PCSK4: variants seen among roughly 807,000 people sequenced by gnomAD.
PCSK4 encodes the protein testicular tissue protein Li 135.
A neutral mutation model predicts 80.3 loss-of-function variants in PCSK4; 64 were observed. The ratio of observed to expected loss-of-function variants is 0.80; its 90% CI spans 0.65 to 0.98. PCSK4 has a LOEUF of 0.98. PCSK4 is among the 50% of genes least tolerant of loss of function. The probability of loss-of-function intolerance (pLI) is 0.00; values close to 1 mark genes in which losing one functional copy is unlikely to be tolerated. For missense variants in PCSK4, 1,213 were observed against 1,093.6 expected, an observed-to-expected ratio of 1.11 and a Z score of -1.54; for synonymous variants, 561 against 487.6, an observed-to-expected ratio of 1.15 and a Z score of -1.98.
chr19:1,487,924 A>C (rs1288638705), intron 4 of PCSK4, 40 bp downstream of exon 4: 1 of 1,589,380 alleles, frequency 6.3e-7, no homozygotes, highest in Non-Finnish European at 8.6e-7. Flanking sequence ...CAGCCTCGGC[A>C]CCTGGGGCAG....
At chr19:1,490,749 C>T (rs1174350742), upstream of PCSK4, 1 of 206,228 alleles carries the variant, frequency 4.8e-6, no homozygotes, top group Non-Finnish European at 9.7e-6. Flanking sequence ...CCGCCTCCTC[C>T]GATAAGCCTC....
At chr19:1,482,941 C>G in exon 13 of PCSK4, 1 of 1,612,886 alleles carries the variant, frequency 6.2e-7, no homozygotes. Flanking sequence ...AGGGTCCACA[C>G]GCCCTGTGGG....
chr19:1,482,571 C>A, intron 13 of PCSK4, 96 bp from the exon 14 acceptor site: 2 of 1,463,368 alleles, frequency 1.4e-6, no homozygotes, highest in South Asian at 1.3e-5. Context: ...AGCTCCCACG[C>A]GGGGCCCTGG....
Position 1,488,209 on chromosome 19 carries a change from C to T in PCSK4, c.366G>A (p.Trp122Ter). Residue 122 changes from tryptophan (W) to a stop codon, truncating the protein, a stop_gained, in exon 3 of 15, where the codon TGG becomes TGA. Transcript: ENST00000300954. LOFTEE classifies it high-confidence loss of function. ...TCACCATGTACCACTGCTTGGAGAA[C>T]CAGGGGTCCGTGGGCACCACGACAG... The T allele has an allele frequency of 6.2e-7, 1 of 1,613,574 alleles. No homozygotes were observed. Among genetic ancestry groups the T allele is most frequent in the Non-Finnish European group, 8.5e-7 (1 of 1,179,926 alleles).
At position 1,487,136 on chromosome 19, in the gene PCSK4, C is replaced by T; in HGVS notation, c.855+5G>A. The T allele has an allele frequency of 6.2e-7, 1 of 1,603,964 alleles. No individual in the cohort carries two copies. Among genetic ancestry groups the T allele is most frequent in the South Asian group, 1.1e-5 (1 of 90,930 alleles). ...CACCCCTGCCCTCCTCGGGCTGCCA[C>T]TCACCTTGGTCACACCACGCCGGAA... On this transcript the variant is annotated splice_donor_5th_base_variant and intron_variant, in intron 7 of 14. Coordinates refer to ENST00000300954, the Ensembl canonical transcript of PCSK4.
At position 1,487,810 on chromosome 19, in the gene PCSK4, G is replaced by C. The variant is rs764900724; in HGVS notation, c.568C>G (p.Arg190Gly). The change falls in exon 5 of 15, where the codon CGC (arginine) becomes GGC (glycine). Residue 190 changes from arginine (R) to glycine (G), a missense_variant. By Grantham distance (125) the Arg-to-Gly change is moderately radical. Transcript: ENST00000300954. ...CGGTTCTCTTTGCTGGGGGTGTAGCGGGGCTGGGGGTCCGGGTCGTAGTCA... is the reference window on the plus strand; with the variant it reads ...CGGTTCTCTTTGCTGGGGGTGTAGCCGGGCTGGGGGTCCGGGTCGTAGTCA... The C allele has an allele frequency of 1.9e-6, 3 of 1,578,324 alleles. No individual in the cohort carries two copies. In the Admixed American group the frequency reaches 5.4e-5, roughly 28 times the overall value.
At chr19:1,485,665 A>G (rs1483884503) in intron 8 of PCSK4, among the ~76,000 whole-genome samples, 1 of 151,860 alleles carries the variant, frequency 6.6e-6, no homozygotes, top group African/African-American at 2.4e-5. Flanking sequence ...AGGTCAGGAG[A>G]TCGAGATCAT....
chr19:1,490,252 G>C (rs371495144), exon 1 of PCSK4: 19 of 1,611,102 alleles, frequency 1.2e-5, no homozygotes, highest in Non-Finnish European at 1.6e-5. Context: ...GACATAGATG[G>C]GGGCTCGGAC....
intron 8 of PCSK4, among the ~76,000 whole-genome samples, chr19:1,484,574 T>C (rs2084506139): frequency 6.6e-6 from 1 of 150,728 alleles, no homozygotes; most frequent in African/African-American, 2.4e-5. Context: ...TCCCAGCACT[T>C]TGGGAGGCCG....
At chr19:1,482,587 T>C in intron 13 of PCSK4, 112 bp from the exon 14 acceptor site, 2 of 1,327,524 alleles carry the variant, frequency 1.5e-6, no homozygotes, top group East Asian at 2.4e-5. Flanking sequence ...CCTGGACTGG[T>C]TCACATCTCT....
intron 8 of PCSK4, 42 bp downstream of exon 8, chr19:1,486,811 C>T (rs1370448447): frequency 6.6e-7 from 1 of 1,514,556 alleles, no homozygotes; most frequent in Non-Finnish European, 9.0e-7. Flanking sequence ...GCTGGGATGG[C>T]AGGGCCTGGG....
At chr19:1,483,312 C>T in exon 12 of PCSK4, 1 of 1,607,498 alleles carries the variant, frequency 6.2e-7, no homozygotes. Flanking sequence ...GAGCGCGTGC[C>T]CATGGGGCTG....
At chr19:1,490,596 G>T (rs964104778), upstream of PCSK4, 23 of 451,372 alleles carry the variant, frequency 5.1e-5, no homozygotes, top group Admixed American at 4.4e-4. Context: ...ACAACGACAA[G>T]ACTAACCCAG....
At chr19:1,483,181 G>T in intron 12 of PCSK4, 103 bp downstream of exon 12, 2 of 1,305,034 alleles carry the variant, frequency 1.5e-6, no homozygotes, top group Non-Finnish European at 2.1e-6. Context: ...GCTGCCGTGT[G>T]ACTCCTATGG....
chr19:1,487,015 G>T (rs2084655619), exon 8 of PCSK4: 1 of 1,608,762 alleles, frequency 6.2e-7, no homozygotes. Flanking sequence ...CGTAGTGCAG[G>T]CCGCCGTTGC....
At chr19:1,486,690 C>T (rs987385776) in intron 8 of PCSK4, among the ~76,000 whole-genome samples, 163 bp downstream of exon 8, 2 of 152,118 alleles carry the variant, frequency 1.3e-5, no homozygotes, top group African/African-American at 4.8e-5. Context: ...CCTTAGCCTC[C>T]CAAAGTGCTG....
At chr19:1,487,854 A>C (rs567139014) in exon 5 of PCSK4, 3 of 1,512,454 alleles carry the variant, frequency 2.0e-6, no homozygotes, top group Non-Finnish European at 2.7e-6. Context: ...ATAGCTGGCC[A>C]GGGGGTCCTG....
intron 6 of PCSK4, 143 bp downstream of exon 6, chr19:1,487,460 A>AC (rs1488461430): frequency 2.0e-6 from 2 of 985,546 alleles, no homozygotes; most frequent in Non-Finnish European, 1.5e-6. Context: ...TTGGCTCAGC[A>AC]CCCCCCAAGC....
chr19:1,483,506 G>T, intron 11 of PCSK4, 43 bp from the exon 12 acceptor site: 2 of 1,440,196 alleles, frequency 1.4e-6, no homozygotes, highest in South Asian at 2.4e-5. Context: ...GGCCTGCTGG[G>T]GGGTGGGTGG....
Sources: gnomAD v4.1 joint callset for allele counts (sites outside exome capture counted in the v4.1 genomes callset) on GRCh38, gnomAD v4.1.1 for gene constraint, MANE v1.5 for transcripts, NCBI Gene and HGNC (gene_info 2026-07-23, HGNC 2026-07-21) for gene names.